CCDC38: variants seen among roughly 807,000 people sequenced by gnomAD.
CCDC38 encodes coiled-coil domain-containing protein 38.
A neutral mutation model predicts 72.8 loss-of-function variants in CCDC38; 69 were observed. The ratio of observed to expected loss-of-function variants is 0.95; its 90% CI spans 0.78 to 1.16. CCDC38 has a LOEUF of 1.16. Among genes scored for constraint, CCDC38 ranks in the 50% most tolerant of loss-of-function variants. The pLI is 0.00. For synonymous variants in CCDC38, 201 were observed against 213.2 expected, an observed-to-expected ratio of 0.94 and a Z score of 0.50; for missense variants, 626 against 638.9, an observed-to-expected ratio of 0.98 and a Z score of 0.22.
chr12:95,890,755 C>T (rs2079815658), intron 9 of CCDC38, 77 bp downstream of exon 9: 2 of 847,456 alleles, frequency 2.4e-6, no homozygotes, highest in Admixed American at 2.1e-5. Context: ...TCCAGGTTGG[C>T]TTGTAGTCCT....
chr12:95,883,477 C>G (rs1158583226), intron 10 of CCDC38, among the ~76,000 whole-genome samples: 1 of 152,112 alleles, frequency 6.6e-6, no homozygotes, highest in Non-Finnish European at 1.5e-5. Context: ...ATCTCTGTAC[C>G]AGAAAGCACT....
At chr12:95,903,274 T>C (rs1466777890) in intron 5 of CCDC38, 3 of 531,758 alleles carry the variant, frequency 5.6e-6, no homozygotes, top group Non-Finnish European at 1.0e-5. Flanking sequence ...TCATAGGTTA[T>C]GGTAGTTTTA....
chr12:95,868,799 C>T (rs955296875), intron 15 of CCDC38, among the ~76,000 whole-genome samples: 3 of 152,190 alleles, frequency 2.0e-5, no homozygotes, highest in Non-Finnish European at 2.9e-5. Context: ...TAATCCCAAA[C>T]TTCTGATTGG....
chr12:95,942,684 G>T (rs2080466831), upstream of CCDC38: 1 of 152,390 alleles, frequency 6.6e-6, no homozygotes, highest in South Asian at 2.1e-4. Context: ...CCACCCCCAG[G>T]TTCCCTCGGC....
intron 13 of CCDC38, among the ~76,000 whole-genome samples, chr12:95,874,447 G>A (rs1256749085): frequency 1.3e-5 from 2 of 151,984 alleles, no homozygotes; most frequent in African/African-American, 4.8e-5. Context: ...GAGAGAAAAT[G>A]GCGAGAAGAG....
At chr12:95,933,109 T>C (rs1158441280) in intron 2 of CCDC38, 1 of 152,156 alleles carries the variant, frequency 6.6e-6, no homozygotes, top group Non-Finnish European at 1.5e-5. Context: ...GTAGAACATA[T>C]AGGTTTTATC....
At chr12:95,924,002 T>C (rs61939178) in intron 2 of CCDC38, among the ~76,000 whole-genome samples, 9,850 of 79,256 alleles carry the variant, frequency 0.12, no homozygotes, top group East Asian at 0.25. Flanking sequence ...GCAATAAACA[T>C]ACGTGTGCAT....
intron 8 of CCDC38, 61 bp downstream of exon 8, chr12:95,894,928 A>G (rs953348098): frequency 1.4e-5 from 18 of 1,311,078 alleles, no homozygotes; most frequent in Middle Eastern, 2.3e-4. Flanking sequence ...AAAAACATTG[A>G]AGCAGATGAT....
intron 5 of CCDC38, chr12:95,903,648 C>T (rs554550691): frequency 1.0e-4 from 52 of 501,118 alleles, no homozygotes; most frequent in African/African-American, 6.0e-4. Flanking sequence ...TTGGGATAAT[C>T]ATATGGGTTT....
chr12:95,908,344 C>T (rs113599985), intron 4 of CCDC38, among the ~76,000 whole-genome samples: 4 of 148,870 alleles, frequency 2.7e-5, no homozygotes, highest in Non-Finnish European at 4.5e-5. Flanking sequence ...CGCCTGCAAT[C>T]GCAGGCACTC....
At chr12:95,916,497 C>T (rs1489060388) in intron 4 of CCDC38, among the ~76,000 whole-genome samples, 1 of 151,886 alleles carries the variant, frequency 6.6e-6, no homozygotes, top group Non-Finnish European at 1.5e-5. Flanking sequence ...TAGACTCCAT[C>T]ATCCTAGCAT....
chr12:95,908,468 AGAG>A (rs2080044267), intron 4 of CCDC38, among the ~76,000 whole-genome samples: 2 of 848 alleles, frequency 2.4e-3, no homozygotes, highest in Non-Finnish European at 3.0e-3. Flanking sequence ...AGGGAGAGGG[AGAG>A]GGAGAGGGAG....
At chr12:95,942,356 T>C (rs2080460889) in intron 1 of CCDC38, 75 bp downstream of exon 1, 1 of 149,364 alleles carries the variant, frequency 6.7e-6, no homozygotes, top group East Asian at 1.9e-4. Context: ...AAGTTGCTTG[T>C]AGGCCCACCA....
Position 95,926,078 on chromosome 12 carries a change from C to G in CCDC38, c.38-7102G>C, listed in dbSNP as rs1422733146. On this transcript the variant is annotated intron_variant, in intron 2 of 15. Coordinates refer to ENST00000344280, the MANE Select transcript of CCDC38 (RefSeq NM_182496.3). Reference sequence around the variant, plus strand: ...CATAAAATGAGTTAGGGAGGATTCCCTCTTTTTCTATTGATTGGAATAGTT... The same window carrying G: ...CATAAAATGAGTTAGGGAGGATTCCGTCTTTTTCTATTGATTGGAATAGTT... 2.1e-5 allele frequency among the ~76,000 whole-genome samples: 3 copies of G among 143,722 alleles called. No homozygotes were observed. The Admixed American group carries it at 2.1e-4, about 10-fold the overall frequency. The allele number at this position is 143,722 out of a possible 152,430, so 94.3% of individuals were successfully genotyped here.
chr12:95,920,490 A>C lies in CCDC38; in HGVS notation c.38-1514T>G, dbSNP rs1362640273. 2.6e-5 allele frequency among the ~76,000 whole-genome samples: 4 copies of C among 152,230 alleles called. No homozygotes were observed. In the East Asian group the frequency reaches 7.7e-4, roughly 29 times the overall value. ...AACTGATTAACGATAAACAAAATGC[A>C]GTATATCCATACAAGGAACTCTTAT... is the stretch of plus-strand genomic sequence containing the variant. On this transcript the variant is annotated intron_variant, in intron 2 of 15. Transcript: ENST00000344280.
At chr12:95,929,271 C>T (rs563389536) in intron 2 of CCDC38, among the ~76,000 whole-genome samples, 7 of 152,194 alleles carry the variant, frequency 4.6e-5, no homozygotes, top group East Asian at 1.9e-4. Context: ...ATGGGAAAAG[C>T]GCAGTATTCG....
intron 7 of CCDC38, 40 bp downstream of exon 7, chr12:95,898,345 C>G (rs774803687): frequency 1.3e-6 from 2 of 1,590,594 alleles, no homozygotes; most frequent in African/African-American, 2.7e-5. Context: ...TTTAATGGGT[C>G]GTGGAAATTT....
At chr12:95,913,131 C>T (rs1303398888) in intron 4 of CCDC38, among the ~76,000 whole-genome samples, 1 of 152,098 alleles carries the variant, frequency 6.6e-6, no homozygotes, top group Non-Finnish European at 1.5e-5. Context: ...TTCCAAGTAA[C>T]CTGTGAGCCT....
At chr12:95,921,215 T>C (rs749184245) in intron 2 of CCDC38, among the ~76,000 whole-genome samples, 3 of 152,184 alleles carry the variant, frequency 2.0e-5, no homozygotes, top group Non-Finnish European at 4.4e-5. Flanking sequence ...ACATTTGATA[T>C]GACAAAAAAA....
Sources: allele counts gnomAD v4.1 joint callset (sites outside exome capture counted in the v4.1 genomes callset), GRCh38; gene constraint gnomAD v4.1.1; transcripts MANE v1.5; gene names NCBI Gene and HGNC (gene_info 2026-07-23, HGNC 2026-07-21).